Variants in CEACAM6 observed in about 807,000 individuals in gnomAD.
CEACAM6 encodes cell adhesion molecule CEACAM6.
In CEACAM6, 21 loss-of-function variants were observed where a neutral mutation model predicts 32.4. That is an observed-to-expected ratio of 0.65 (90% CI 0.46 to 0.93). CEACAM6 has a LOEUF of 0.93. Ranked by LOEUF, CEACAM6 falls within the 40% of genes least tolerant of loss-of-function variation. CEACAM6 has a pLI of 0.00. For missense variants in CEACAM6, 406 were observed against 432.2 expected (o/e 0.94, Z 0.54); for synonymous variants, 184 against 174.4 (o/e 1.06, Z -0.43).
At chr19:41,756,576 C>T (rs373244705) in intron 1 of CEACAM6, 24 bp from the exon 2 acceptor site, 1 of 1,604,828 alleles carries the variant, frequency 6.2e-7, no homozygotes, top group Non-Finnish European at 8.5e-7. Flanking sequence ...CCAATATTGA[C>T]CGATGCTCTC....
At chr19:41,761,173 C>A in intron 2 of CEACAM6, 76 bp from the exon 3 acceptor site, 2 of 1,605,566 alleles carry the variant, frequency 1.2e-6, no homozygotes, top group East Asian at 2.2e-5. Context: ...TGAGAGATGC[C>A]AACTCTGATT....
chr19:41,762,461 G>A (rs1452204594), intron 4 of CEACAM6, among the ~76,000 whole-genome samples: 1 of 152,020 alleles, frequency 6.6e-6, no homozygotes, highest in African/African-American at 2.4e-5. Flanking sequence ...CCTGGAATGA[G>A]AGGAGGGGGC....
rs551839219 is a variant in CEACAM6 at position 41,758,855 on chromosome 19, C to T, written c.424+1896C>T. Reference sequence around the variant, plus strand: ...CAACAGAGAAGGCACAGAAATCAGCCGGAGCAGCCGCCCCTGCCGGGCTCC... The same window carrying T: ...CAACAGAGAAGGCACAGAAATCAGCTGGAGCAGCCGCCCCTGCCGGGCTCC... On this transcript the variant is annotated intron_variant, in intron 2 of 5. Transcript: ENST00000199764. 1.3e-3 allele frequency among the ~76,000 whole-genome samples: 196 copies of T among 152,266 alleles called. 2 individuals are homozygous for T. The highest frequency in any genetic ancestry group is 4.5e-3 in the African/African-American group (187 of 41,542).
In CEACAM6 at chr19:41,770,809, C is replaced by G. The variant is rs1225204473; in HGVS notation, c.*48C>G. On this transcript the variant is annotated 3_prime_UTR_variant, in exon 6 of 6. Coordinates refer to ENST00000199764, the MANE Select transcript of CEACAM6 (RefSeq NM_002483.7). Reference sequence around the variant, plus strand: ...TTCATTATCCACCTATAGATTGGACCAGACCCTGAATTCTTCTAGCTCCTC... The same window carrying G: ...TTCATTATCCACCTATAGATTGGACGAGACCCTGAATTCTTCTAGCTCCTC... The G allele has an allele frequency of 1.3e-5, 2 of 152,948 alleles. No homozygotes were observed. The highest frequency in any genetic ancestry group is 4.8e-5 in the African/African-American group (2 of 41,418). The allele number at this position is 152,948 out of a possible 1,614,324, so 9.5% of individuals were successfully genotyped here.
At chr19:41,759,233 C>T (rs1476751255) in intron 2 of CEACAM6, among the ~76,000 whole-genome samples, 45 of 152,212 alleles carry the variant, frequency 3.0e-4, no homozygotes, top group Admixed American at 2.9e-3. Flanking sequence ...CATGATGATG[C>T]CATTGTCATA....
At chr19:41,761,815 T>A (rs1484014322) in intron 3 of CEACAM6, among the ~76,000 whole-genome samples, 154 bp from the exon 4 acceptor site, 1 of 152,226 alleles carries the variant, frequency 6.6e-6, no homozygotes, top group Non-Finnish European at 1.5e-5. Context: ...AACAGGTGAA[T>A]GTCTCAGACT....
At position 41,771,479 on chromosome 19, in the gene CEACAM6, T is replaced by C. The variant is rs1301891311; in HGVS notation, c.*718T>C. On this transcript the variant is annotated 3_prime_UTR_variant, in exon 6 of 6. Coordinates refer to ENST00000199764, the MANE Select transcript of CEACAM6 (RefSeq NM_002483.7). The stretch of plus-strand genomic sequence containing the variant: ...CATGGCTAAATACAATGGGTATCGC[T>C]GAGACTAAGTTGTAGAAATTAACAA... The C allele has an allele frequency of 1.3e-5, 2 of 152,240 alleles. No individual in the cohort carries two copies. Among genetic ancestry groups the C allele is most frequent in the Non-Finnish European group, 2.9e-5 (2 of 68,032 alleles). 9.4% of individuals were successfully genotyped at this position (152,240 alleles called of 1,614,324 possible).
Position 41,756,535 on chromosome 19 carries a change from GGC to G in CEACAM6, c.65-64_65-63del. On this transcript the variant is annotated intron_variant, in intron 1 of 5. Transcript: ENST00000199764. The stretch of plus-strand genomic sequence containing the variant: ...GTGAAGAGACCTGCTCAGGACCCAG[GGC>G]CCTGTTTTTCCACCCTAATGCATAG... 5 of 1,560,558 alleles carry G rather than the reference GGC, an allele frequency of 3.2e-6. No homozygotes were observed. The Middle Eastern group carries it at 5.4e-4, about 167-fold the overall frequency.
At position 41,762,166 on chromosome 19, in the gene CEACAM6, G is replaced by C; in HGVS notation, c.901G>C (p.Ala301Pro). 4 of 1,614,152 alleles carry C rather than the reference G, an allele frequency of 2.5e-6. No individual in the cohort carries two copies. The highest frequency in any genetic ancestry group is 2.5e-6 in the Non-Finnish European group (3 of 1,180,030). Residue 301 changes from alanine (A) to proline (P), a missense_variant, in exon 4 of 6, where the codon GCC (alanine) becomes CCC (proline). Physicochemically the swap from Ala to Pro is conservative, Grantham distance 27 (BLOSUM62 -1). Transcript: ENST00000199764. ...TAATAGCGGATCCTATATGTGCCAA[G>C]CCCATAACTCAGCCACTGGCCTCAA... ...VNNSGSYMCQ[A>P]HNSATGLNRT...
rs1555822397 is a variant in CEACAM6 at position 41,766,286 on chromosome 19, A to T, written c.*27A>T. The T allele has an allele frequency of 6.5e-7, 1 of 1,533,410 alleles. No homozygotes were observed. Among genetic ancestry groups the T allele is most frequent in the East Asian group, 2.4e-5 (1 of 41,324 alleles). The allele number at this position is 1,533,410 out of a possible 1,614,324, so 95.0% of individuals were successfully genotyped here. On this transcript the variant is annotated 3_prime_UTR_variant, in exon 5 of 6. Transcript: ENST00000199764. ...AGCCCTGGTGTATTTTCGATATTTC[A>T]GGAAGACTGGCAGGTATGATCGCCT...
chr19:41,770,055 G>A (rs1268707793), intron 5 of CEACAM6, among the ~76,000 whole-genome samples: 4 of 151,436 alleles, frequency 2.6e-5, no homozygotes, highest in Non-Finnish European at 5.9e-5. Flanking sequence ...GCTTCCTCAT[G>A]TCAAGAGGTT....
chr19:41,766,427 A>C, intron 5 of CEACAM6, 128 bp downstream of exon 5: 1 of 484,076 alleles, frequency 2.1e-6, no homozygotes, highest in South Asian at 2.9e-5. Flanking sequence ...GCTTCTCAGC[A>C]CTAATTCCTG....
intron 2 of CEACAM6, among the ~76,000 whole-genome samples, chr19:41,758,885 C>A (rs567366249): frequency 2.3e-3 from 350 of 152,316 alleles, no homozygotes; most frequent in African/African-American, 8.0e-3. Context: ...GGCTCCATCA[C>A]GAGCCAATGT....
intron 5 of CEACAM6, among the ~76,000 whole-genome samples, chr19:41,769,717 AAT>A (rs1244579517): frequency 1.1e-3 from 137 of 120,978 alleles, no homozygotes; most frequent in African/African-American, 3.5e-3. Flanking sequence ...TTGCACAAAA[AAT>A]ATAGTTATTA....
rs1384542741 is a variant in CEACAM6, at chr19:41,770,791, TCCA to T, written c.*41-8_*41-6del. The T allele has an allele frequency of 1.3e-5, 2 of 152,556 alleles. No individual in the cohort carries two copies. Among genetic ancestry groups the T allele is most frequent in the African/African-American group, 4.8e-5 (2 of 41,458 alleles). The allele number at this position is 152,556 out of a possible 1,614,324, so 9.5% of individuals were successfully genotyped here. A position where few individuals can be genotyped will look rare whatever the true frequency, so the allele number is the denominator to read the frequency against. On this transcript the variant is annotated splice_region_variant and splice_polypyrimidine_tract_variant and intron_variant, in intron 5 of 5. Coordinates refer to ENST00000199764, the MANE Select transcript of CEACAM6 (RefSeq NM_002483.7). ...TGCTTATTGTTTTTTATTTTCATTA[TCCA>T]CCTATAGATTGGACCAGACCCTGAA... is the stretch of plus-strand genomic sequence containing the variant.
chr19:41,757,721 T>C (rs1555821349), intron 2 of CEACAM6, among the ~76,000 whole-genome samples: 1 of 152,176 alleles, frequency 6.6e-6, no homozygotes, highest in African/African-American at 2.4e-5. Flanking sequence ...CCCAGGGCCC[T>C]CTGTCTTGGA....
In CEACAM6 at chr19:41,755,633, G is replaced by A; in HGVS notation, c.-6G>A. Reference sequence around the variant, plus strand: ...AAAGAGGTGGACAGAGAAGACAGCAGAGACCATGGGACCCCCCTCAGCCCC... The same window carrying A: ...AAAGAGGTGGACAGAGAAGACAGCAAAGACCATGGGACCCCCCTCAGCCCC... On this transcript the variant is annotated 5_prime_UTR_variant, in exon 1 of 6. Transcript: ENST00000199764. The A allele has an allele frequency of 1.9e-6, 3 of 1,612,040 alleles. No individual in the cohort carries two copies. The highest frequency in any genetic ancestry group is 2.5e-6 in the Non-Finnish European group (3 of 1,179,052).
chr19:41,758,660 G>T (rs1191981979), intron 2 of CEACAM6, among the ~76,000 whole-genome samples: 1 of 152,022 alleles, frequency 6.6e-6, no homozygotes, highest in Non-Finnish European at 1.5e-5. Flanking sequence ...GGTATCTCTG[G>T]CTCTTTCTGC....
At chr19:41,756,092 T>A (rs916260586) in intron 1 of CEACAM6, among the ~76,000 whole-genome samples, 1 of 152,140 alleles carries the variant, frequency 6.6e-6, no homozygotes, top group African/African-American at 2.4e-5. Context: ...TCCACAAGCA[T>A]TTGCAATCAA....
Sources: gnomAD v4.1 joint callset for allele counts (sites outside exome capture counted in the v4.1 genomes callset) on GRCh38, gnomAD v4.1.1 for gene constraint, MANE v1.5 for transcripts, NCBI Gene and HGNC (gene_info 2026-07-23, HGNC 2026-07-21) for gene names.